TTC29: variants seen among roughly 807,000 people sequenced by gnomAD.
TTC29 encodes tetratricopeptide repeat domain 29.
A neutral mutation model predicts 58.1 loss-of-function variants in TTC29; 49 were observed. The ratio of observed to expected loss-of-function variants is 0.84; its 90% confidence interval spans 0.67 to 1.07. The LOEUF is 1.07. Ranked by LOEUF, TTC29 falls within the 50% of genes least tolerant of loss-of-function variation. TTC29 has a pLI of 0.00. For synonymous variants in TTC29, 209 were observed against 196.8 expected (o/e 1.06, Z -0.52); for missense variants, 582 against 555.6 (o/e 1.05, Z -0.48).
intron 9 of TTC29, 27 bp downstream of exon 9, chr4:146,833,779 C>T: frequency 6.4e-7 from 1 of 1,572,400 alleles, no homozygotes; most frequent in Non-Finnish European, 8.8e-7. Flanking sequence ...TTCACAGTGA[C>T]AGCAAGATGA....
intron 9 of TTC29, among the ~76,000 whole-genome samples, chr4:146,825,725 G>A (rs949876163): frequency 1.3e-5 from 2 of 152,264 alleles, no homozygotes; most frequent in East Asian, 3.9e-4. Flanking sequence ...CACAATTATT[G>A]TGTGGGAGAC....
At chr4:146,861,254 A>G (rs1029971072) in intron 8 of TTC29, among the ~76,000 whole-genome samples, 1 of 152,138 alleles carries the variant, frequency 6.6e-6, no homozygotes, top group African/African-American at 2.4e-5. Context: ...CTTAGATGTG[A>G]TTCTTGGTAA....
intron 10 of TTC29, among the ~76,000 whole-genome samples, chr4:146,818,410 T>C (rs895199523): frequency 5.3e-5 from 8 of 152,054 alleles, no homozygotes; most frequent in Admixed American, 1.3e-4. Context: ...GTTAGAATGG[T>C]GATCATTAAA....
chr4:146,816,883 C>A (rs766067118), intron 10 of TTC29, among the ~76,000 whole-genome samples: 1 of 152,004 alleles, frequency 6.6e-6, no homozygotes, highest in Non-Finnish European at 1.5e-5. Context: ...TTATGGCAAA[C>A]AACAGAATAC....
chr4:146,887,631 A>G (rs1286632927), intron 6 of TTC29, among the ~76,000 whole-genome samples: 1 of 152,108 alleles, frequency 6.6e-6, no homozygotes, highest in African/African-American at 2.4e-5. Context: ...AAGATCCAAT[A>G]TGACTCTAAA....
chr4:146,763,701 T>C (rs1347326669), intron 11 of TTC29: 1 of 152,062 alleles, frequency 6.6e-6, no homozygotes, highest in Non-Finnish European at 1.5e-5. Context: ...GGAGAGAGCA[T>C]AGTAGGATGA....
intron 11 of TTC29, among the ~76,000 whole-genome samples, chr4:146,785,957 T>G (rs1197224513): frequency 3.3e-5 from 5 of 150,744 alleles, no homozygotes. Flanking sequence ...AATATATATA[T>G]ATATGTATAT....
chr4:146,779,768 C>T (rs1290080986), intron 11 of TTC29, among the ~76,000 whole-genome samples: 4 of 152,126 alleles, frequency 2.6e-5, no homozygotes, highest in Non-Finnish European at 5.9e-5. Flanking sequence ...ACTTCCTTTA[C>T]ATTGGTTCTG....
intron 6 of TTC29, among the ~76,000 whole-genome samples, chr4:146,902,864 A>C (rs1469243200): frequency 2.0e-5 from 3 of 152,228 alleles, no homozygotes; most frequent in Non-Finnish European, 4.4e-5. Flanking sequence ...CACCAAAGTA[A>C]AAACTTTTAT....
intron 8 of TTC29, among the ~76,000 whole-genome samples, chr4:146,854,501 T>C (rs1456461563): frequency 6.6e-6 from 1 of 152,188 alleles, no homozygotes; most frequent in Non-Finnish European, 1.5e-5. Context: ...GGCACACTTT[T>C]ATCATTGGTC....
At chr4:146,872,653 C>A (rs1731009128) in intron 7 of TTC29, among the ~76,000 whole-genome samples, 1 of 151,758 alleles carries the variant, frequency 6.6e-6, no homozygotes, top group African/African-American at 2.4e-5. Context: ...TGTTACGGGC[C>A]AACAGGGAAA....
At chr4:146,802,612 A>G (rs914941083) in intron 11 of TTC29, among the ~76,000 whole-genome samples, 16 of 152,380 alleles carry the variant, frequency 1.1e-4, no homozygotes, top group Middle Eastern at 6.8e-3. Flanking sequence ...ATATCAAAAT[A>G]GATTGTTGTT....
intron 8 of TTC29, among the ~76,000 whole-genome samples, chr4:146,845,721 C>A (rs1442122498): frequency 2.0e-5 from 3 of 152,134 alleles, no homozygotes; most frequent in Non-Finnish European, 4.4e-5. Flanking sequence ...ATGGGCCCAG[C>A]TCTCTCTGCC....
intron 6 of TTC29, among the ~76,000 whole-genome samples, chr4:146,897,860 A>G (rs941969564): frequency 1.3e-5 from 2 of 152,222 alleles, no homozygotes; most frequent in Non-Finnish European, 2.9e-5. Flanking sequence ...GAGATAGATT[A>G]AAGACTCAAA....
In TTC29 at chr4:146,761,669, G is replaced by GTT. The variant is rs71592468; in HGVS notation, c.1330+41786_1330+41787dup. Among the ~76,000 whole-genome samples the GTT allele has an allele frequency of 9.3e-3, 1,188 of 127,604 alleles. 20 individuals are homozygous for GTT. Among genetic ancestry groups the GTT allele is most frequent in the African/African-American group, 0.027 (930 of 34,764 alleles). The allele number at this position is 127,604 out of a possible 152,430, so 83.7% of individuals were successfully genotyped here. A position where few individuals can be genotyped will look rare whatever the true frequency, so the allele number is the denominator to read the frequency against. ...TTGAGTAGTTTCCCTAAACAGAGTA[G>GTT]TTTTTTTTTTTTTTTTTGTAGACTT... On this transcript the variant is annotated intron_variant, in intron 11 of 12. Transcript: ENST00000325106.
chr4:146,819,894 C>A (rs986122262), intron 10 of TTC29, among the ~76,000 whole-genome samples: 2 of 152,100 alleles, frequency 1.3e-5, no homozygotes, highest in East Asian at 3.9e-4. Context: ...GGGTTAGCAG[C>A]TCATAAGGAC....
At chr4:146,751,699 A>C (rs1446825529) in intron 11 of TTC29, among the ~76,000 whole-genome samples, 1 of 152,156 alleles carries the variant, frequency 6.6e-6, no homozygotes, top group African/African-American at 2.4e-5. Flanking sequence ...TACACCAAAA[A>C]CCGTTCTAAG....
intron 11 of TTC29, among the ~76,000 whole-genome samples, chr4:146,729,888 GA>G (rs1299787219): frequency 5.9e-5 from 9 of 151,920 alleles, no homozygotes; most frequent in African/African-American, 1.5e-4. Flanking sequence ...CTCCCACCAT[GA>G]CCCTCCCTCG....
chr4:146,733,267 C>G (rs1384297605), intron 11 of TTC29, among the ~76,000 whole-genome samples: 1 of 151,960 alleles, frequency 6.6e-6, no homozygotes, highest in East Asian at 1.9e-4. Flanking sequence ...GAGTGATGAG[C>G]CTAGATTTGG....
Sources: gnomAD v4.1 joint callset for allele counts (sites outside exome capture counted in the v4.1 genomes callset) on GRCh38, gnomAD v4.1.1 for gene constraint, MANE v1.5 for transcripts, NCBI Gene and HGNC (gene_info 2026-07-23, HGNC 2026-07-21) for gene names.